Variants in MCCC2 observed in about 807,000 individuals in gnomAD.
The protein encoded by MCCC2 is methylcrotonyl-CoA carboxylase subunit 2.
A neutral mutation model predicts 77.2 loss-of-function variants in MCCC2; 52 were observed. The observed-to-expected ratio is 0.67, with a 90% CI of 0.54 to 0.85. The LOEUF (loss-of-function observed/expected upper bound fraction) is 0.85. Ranked by LOEUF, MCCC2 falls within the 40% of genes least tolerant of loss-of-function variation. The probability of loss-of-function intolerance (pLI) is 0.00; values close to 1 mark genes in which losing one functional copy is unlikely to be tolerated. For missense variants in MCCC2, 682 were observed against 703.2 expected (o/e 0.97, Z 0.34); for synonymous variants, 253 against 248.4 (o/e 1.02, Z -0.18).
At chr5:71,587,658 T>A (rs1744817687) in intron 1 of MCCC2, 104 bp downstream of exon 1, 1 of 1,434,054 alleles carries the variant, frequency 7.0e-7, no homozygotes, top group South Asian at 1.2e-5. Context: ...GGAGCCCCAG[T>A]TGATTCTGTG....
intron 1 of MCCC2, among the ~76,000 whole-genome samples, chr5:71,592,093 A>T (rs1252314265): frequency 1.3e-5 from 2 of 152,172 alleles, no homozygotes; most frequent in Admixed American, 6.5e-5. Flanking sequence ...ATAAAATAGG[A>T]TCCTTGGCCA....
At chr5:71,654,748 A>G (rs1747535115) in intron 16 of MCCC2, among the ~76,000 whole-genome samples, 2 of 152,130 alleles carry the variant, frequency 1.3e-5, no homozygotes, top group Admixed American at 6.5e-5. Flanking sequence ...TTAATGGATT[A>G]CATTCAAGGC....
chr5:71,649,866 G>A (rs1270935012), intron 14 of MCCC2, among the ~76,000 whole-genome samples: 1 of 152,198 alleles, frequency 6.6e-6, no homozygotes, highest in East Asian at 1.9e-4. Flanking sequence ...GGAGAACTTA[G>A]AAGTCCCATC....
At chr5:71,641,181 G>A (rs1747112889) in intron 11 of MCCC2, 106 bp downstream of exon 11, 2 of 1,004,922 alleles carry the variant, frequency 2.0e-6, no homozygotes, top group Admixed American at 3.7e-5. Context: ...TTGTTGTTGA[G>A]AGCACTACAA....
At chr5:71,617,148 C>G (rs1746187061) in intron 6 of MCCC2, among the ~76,000 whole-genome samples, 1 of 152,228 alleles carries the variant, frequency 6.6e-6, no homozygotes, top group African/African-American at 2.4e-5. Flanking sequence ...TGCAGTCAAC[C>G]TGATGCAGTC....
Position 71,657,608 on chromosome 5 carries a change from G to T in MCCC2, c.*748G>T, listed in dbSNP as rs1747619601. ...CACCCAGCTAAGTTCTGTATTTTTAGCAGAGACGGGATTTCACTAGGTTGC... is the reference window on the plus strand; with the variant it reads ...CACCCAGCTAAGTTCTGTATTTTTATCAGAGACGGGATTTCACTAGGTTGC... On this transcript the variant is annotated 3_prime_UTR_variant, in exon 17 of 17. Coordinates refer to ENST00000340941, the MANE Select transcript of MCCC2 (RefSeq NM_022132.5). 6.6e-6 allele frequency: 1 copy of T among 151,992 alleles called. No individual in the cohort carries two copies. Among genetic ancestry groups the T allele is most frequent in the African/African-American group, 2.4e-5 (1 of 41,330 alleles). The allele number at this position is 151,992 out of a possible 1,614,324, so 9.4% of individuals were successfully genotyped here. A position where few individuals can be genotyped will look rare whatever the true frequency, so the allele number is the denominator to read the frequency against.
Position 71,653,070 on chromosome 5 carries a change from C to T in MCCC2, c.1574+316C>T, listed in dbSNP as rs149360902. Among the ~76,000 whole-genome samples, 36 of 152,220 alleles carry T rather than the reference C, an allele frequency of 2.4e-4. No individual in the cohort carries two copies. The East Asian group carries it at 3.9e-3, about 16-fold the overall frequency. On this transcript the variant is annotated intron_variant, in intron 16 of 16. Coordinates refer to ENST00000340941, the MANE Select transcript of MCCC2 (RefSeq NM_022132.5). Reference sequence around the variant, plus strand: ...GCCCAAGGTGGGCCATGTTAGGAGCCGAGAATAAGTTATAAGCTTGGCTGT... The same window carrying T: ...GCCCAAGGTGGGCCATGTTAGGAGCTGAGAATAAGTTATAAGCTTGGCTGT...
chr5:71,644,027 G>A lies in MCCC2; in HGVS notation c.1149+132G>A, dbSNP rs889117757. 116 of 975,230 alleles carry A rather than the reference G, an allele frequency of 1.2e-4. 1 individual carries two copies. The highest frequency in any genetic ancestry group is 2.0e-4 in the South Asian group (14 of 70,894). The allele number at this position is 975,230 out of a possible 1,614,324, so 60.4% of individuals were successfully genotyped here. A position where few individuals can be genotyped will look rare whatever the true frequency, so the allele number is the denominator to read the frequency against. On this transcript the variant is annotated intron_variant, in intron 12 of 16. Coordinates refer to ENST00000340941, the MANE Select transcript of MCCC2 (RefSeq NM_022132.5). Reference sequence around the variant, plus strand: ...CCTCAGCAACCAGAACACTGTGTGCGCGGGCATGTGTGTGTGTGTGTGTGT... The same window carrying A: ...CCTCAGCAACCAGAACACTGTGTGCACGGGCATGTGTGTGTGTGTGTGTGT...
intron 11 of MCCC2, among the ~76,000 whole-genome samples, chr5:71,643,072 GA>G (rs138511556): frequency 4.8e-4 from 68 of 140,544 alleles, no homozygotes; most frequent in South Asian, 4.5e-4. Context: ...GAGTAAAGAA[GA>G]AAAAAAAAAC....
intron 12 of MCCC2, among the ~76,000 whole-genome samples, chr5:71,644,176 T>G (rs1747217028): frequency 6.6e-6 from 1 of 152,066 alleles, no homozygotes; most frequent in African/African-American, 2.4e-5. Flanking sequence ...ATTAAAAATG[T>G]ACTCATTTTA....
intron 1 of MCCC2, among the ~76,000 whole-genome samples, chr5:71,590,379 G>A (rs1302597877): frequency 6.6e-6 from 1 of 152,170 alleles, no homozygotes; most frequent in Non-Finnish European, 1.5e-5. Flanking sequence ...GTCTGTAGAG[G>A]CAAATGTCAG....
chr5:71,602,555 T>C lies in MCCC2; in HGVS notation c.433T>C (p.Tyr145His), dbSNP rs1745481314. ...TGATGCCACCGTCAAAGGAGGTGCC[T>C]ACTACCCAGTGACTGTGAAAAAACA... Reference protein sequence around the residue: ...ANDATVKGGAYYPVTVKKQLR... With the variant: ...ANDATVKGGAHYPVTVKKQLR... Residue 145 changes from tyrosine (Y) to histidine (H), a missense_variant, in exon 5 of 17, where the codon TAC becomes CAC. Coordinates refer to ENST00000340941, the MANE Select transcript of MCCC2 (RefSeq NM_022132.5). 1 of 1,614,188 alleles carries C rather than the reference T, an allele frequency of 6.2e-7. No individual in the cohort carries two copies. The highest frequency in any genetic ancestry group is 8.5e-7 in the Non-Finnish European group (1 of 1,180,024).
intron 16 of MCCC2, 120 bp downstream of exon 16, chr5:71,652,874 T>G: frequency 1.2e-6 from 1 of 858,028 alleles, no homozygotes; most frequent in Non-Finnish European, 1.9e-6. Flanking sequence ...AAATAACATT[T>G]GGACACACTT....
chr5:71,649,287 C>A (rs748017403), intron 14 of MCCC2, 34 bp downstream of exon 14: 1 of 1,590,802 alleles, frequency 6.3e-7, no homozygotes, highest in Non-Finnish European at 8.6e-7. Context: ...AACAAAGAAA[C>A]ATGCTTCAAG....
chr5:71,626,194 C>T (rs1450508939), intron 6 of MCCC2, among the ~76,000 whole-genome samples: 3 of 152,088 alleles, frequency 2.0e-5, no homozygotes, highest in African/African-American at 7.2e-5. Context: ...TTACATCCAG[C>T]GTAACACAAA....
chr5:71,623,278 G>A (rs1168126036), intron 6 of MCCC2, among the ~76,000 whole-genome samples: 7 of 152,300 alleles, frequency 4.6e-5, no homozygotes, highest in Middle Eastern at 3.4e-3. Flanking sequence ...GTTTCTGTGC[G>A]TTGGGAGTCT....
At chr5:71,617,191 A>C (rs1746188463) in intron 6 of MCCC2, among the ~76,000 whole-genome samples, 1 of 152,034 alleles carries the variant, frequency 6.6e-6, no homozygotes, top group African/African-American at 2.4e-5. Context: ...GCCTTTTTTG[A>C]CCATCTGCTC....
At chr5:71,598,040 G>A (rs1453437607) in intron 3 of MCCC2, among the ~76,000 whole-genome samples, 2 of 151,442 alleles carry the variant, frequency 1.3e-5, no homozygotes, top group African/African-American at 4.9e-5. Context: ...ACCTCAGAAG[G>A]TGGTTCTAAG....
chr5:71,654,025 T>C (rs1747515430), intron 16 of MCCC2, among the ~76,000 whole-genome samples: 1 of 152,084 alleles, frequency 6.6e-6, no homozygotes, highest in Non-Finnish European at 1.5e-5. Flanking sequence ...AAAGACAGAG[T>C]CTCACTCTGT....
Sources: gnomAD v4.1 joint callset for allele counts (sites outside exome capture counted in the v4.1 genomes callset) on GRCh38, gnomAD v4.1.1 for gene constraint, MANE v1.5 for transcripts, NCBI Gene and HGNC (gene_info 2026-07-23, HGNC 2026-07-21) for gene names.